The following ENTR1 variants were observed in gnomAD, a reference collection of about 807,000 sequenced individuals.
The protein encoded by ENTR1 is endosome-associated-trafficking regulator 1.
In ENTR1, 47 loss-of-function variants were observed where a neutral mutation model predicts 47.9. The observed-to-expected ratio is 0.98, with a 90% CI of 0.78 to 1.25. The LOEUF (loss-of-function observed/expected upper bound fraction) is 1.25, where lower values mean the gene tolerates loss of function less well. Among genes scored for constraint, ENTR1 ranks in the 50% most tolerant of loss-of-function variants. The pLI, the probability that ENTR1 is intolerant of heterozygous loss-of-function variation, is 0.00. For missense variants in ENTR1, 668 were observed against 570.5 expected (o/e 1.17, Z -1.74); for synonymous variants, 290 against 245.8 (o/e 1.18, Z -1.68).
Position 136,404,149 on chromosome 9 carries a change from C to T in ENTR1, c.1114G>A (p.Gly372Ser), listed in dbSNP as rs763645086. 3.7e-5 allele frequency: 59 copies of T among 1,612,888 alleles called. No homozygotes were observed. Among genetic ancestry groups the T allele is most frequent in the African/African-American group, 6.7e-5 (5 of 74,924 alleles). The change falls in exon 9 of 10, where the codon GGC becomes AGC. Residue 372 changes from glycine (G) to serine (S), a missense_variant. By Grantham distance (56) the Gly-to-Ser change is moderately conservative. Coordinates refer to ENST00000357365, the MANE Select transcript of ENTR1 (RefSeq NM_001039707.2). Reference sequence around the variant, plus strand: ...ACCACGGTCAGGCTGGCACCCTGGCCGCACCGCAGGGCTTCATTCTCTCGC... The same window carrying T: ...ACCACGGTCAGGCTGGCACCCTGGCTGCACCGCAGGGCTTCATTCTCTCGC... ...FQRENEALRC[G>S]QGASLTVVKQ...
intron 5 of ENTR1, among the ~76,000 whole-genome samples, chr9:136,406,489 T>C (rs1180891791): frequency 1.3e-5 from 2 of 151,932 alleles, no homozygotes; most frequent in East Asian, 3.9e-4. Flanking sequence ...TAATTTTTCT[T>C]TTTTTTGAAA....
chr9:136,408,323 T>TA (rs72549970), intron 3 of ENTR1, among the ~76,000 whole-genome samples: 5,194 of 121,646 alleles, frequency 0.043, 128 homozygotes, highest in East Asian at 0.12. Flanking sequence ...CTCACGCCTG[T>TA]ACCCCAGCAC....
At chr9:136,408,572 T>A (rs192238051) in intron 3 of ENTR1, among the ~76,000 whole-genome samples, 5 of 151,986 alleles carry the variant, frequency 3.3e-5, no homozygotes, top group African/African-American at 7.3e-5. Flanking sequence ...AGCGAGACTC[T>A]GTCTCAAAAA....
chr9:136,409,844 G>A (rs1158271163), intron 2 of ENTR1: 12 of 644,974 alleles, frequency 1.9e-5, no homozygotes, highest in Admixed American at 6.5e-5. Flanking sequence ...GAGGAAAGCG[G>A]GCGGGCTCCT....
intron 5 of ENTR1, among the ~76,000 whole-genome samples, chr9:136,406,308 A>G (rs1834761417): frequency 1.3e-5 from 2 of 151,864 alleles, no homozygotes; most frequent in South Asian, 4.2e-4. Context: ...GTCTCTACTA[A>G]AAATACAAAA....
intron 6 of ENTR1, 56 bp from the exon 7 acceptor site, chr9:136,405,258 C>T (rs759183515): frequency 5.2e-5 from 71 of 1,352,988 alleles, no homozygotes; most frequent in Non-Finnish European, 7.3e-5. Context: ...AAGAGGACTA[C>T]AAAAAGATAC....
chr9:136,410,157 G>A lies in ENTR1; in HGVS notation c.153C>T (p.Phe51=), dbSNP rs376067508. The change falls in exon 2 of 10, where the codon TTC becomes TTT. Residue 51 remains phenylalanine (F), a synonymous_variant. Coordinates refer to ENST00000357365, the MANE Select transcript of ENTR1 (RefSeq NM_001039707.2). The part of the protein sequence containing the change: ...RPHGRDLDSP[F]FGIRPAFMCY... ...ACATAAAGGCCGGCCGAATGCCGAA[G>A]AAGGGGGAGTCCAGGTCCCTGCCAT... 1.6e-5 allele frequency: 25 copies of A among 1,612,480 alleles called. No individual in the cohort carries two copies. Among genetic ancestry groups the A allele is most frequent in the Non-Finnish European group, 2.1e-5 (25 of 1,179,838 alleles).
At chr9:136,406,339 G>C (rs940965879) in intron 5 of ENTR1, among the ~76,000 whole-genome samples, 3 of 151,826 alleles carry the variant, frequency 2.0e-5, no homozygotes, top group Non-Finnish European at 4.4e-5. Context: ...AGTGGTGGCG[G>C]GCACCTGTAG....
chr9:136,407,374 T>C lies in ENTR1; in HGVS notation c.590A>G (p.His197Arg). The C allele has an allele frequency of 1.9e-6, 3 of 1,605,186 alleles. No individual in the cohort carries two copies. Among genetic ancestry groups the C allele is most frequent in the African/African-American group, 1.3e-5 (1 of 74,810 alleles). Residue 197 changes from histidine (H) to arginine (R), a missense_variant, in exon 5 of 10, where the codon CAC becomes CGC. By Grantham distance (29) the His-to-Arg change is conservative. Coordinates refer to ENST00000357365, the MANE Select transcript of ENTR1 (RefSeq NM_001039707.2). ...AYLPSAIEQT[H>R]PERVPAGTSP... ...CGTGCCGGCAGGGACCCTCTCGGGG[T>C]GAGTCTGCTCGATGGCGGACGGCAG...
At chr9:136,406,194 G>A (rs1024104520) in intron 5 of ENTR1, among the ~76,000 whole-genome samples, 4 of 152,164 alleles carry the variant, frequency 2.6e-5, no homozygotes, top group Admixed American at 2.6e-4. Context: ...CAGAGGCCGG[G>A]GGCAGTGGCT....
In ENTR1 at chr9:136,407,351, T is replaced by G. The variant is rs1472510517; in HGVS notation, c.613A>C (p.Thr205Pro). 1.9e-6 allele frequency: 3 copies of G among 1,607,482 alleles called. No individual in the cohort carries two copies. Among genetic ancestry groups the G allele is most frequent in the Non-Finnish European group, 2.5e-6 (3 of 1,178,010 alleles). ...GAAAGGTATGTGCTGCAGGGCGACG[T>G]GCCGGCAGGGACCCTCTCGGGGTGA... ...QTHPERVPAG[T>P]SPCSTYLSFF... The change falls in exon 5 of 10, where the codon ACG becomes CCG. Residue 205 changes from threonine to proline, a missense_variant. Thr to Pro is a conservative substitution (Grantham distance 38). Transcript: ENST00000357365.
chr9:136,403,996 G>A (rs1393574323), intron 9 of ENTR1, 59 bp downstream of exon 9: 32 of 1,512,152 alleles, frequency 2.1e-5, no homozygotes, highest in Middle Eastern at 2.4e-4. Context: ...GATCACTGAC[G>A]ACCACTCCAA....
rs1434263247 is a variant in ENTR1, at chr9:136,404,675, C to T, written c.1024G>A (p.Glu342Lys). The change falls in exon 8 of 10, where the codon GAA becomes AAA. Residue 342 changes from glutamate to lysine, a missense_variant. Coordinates refer to ENST00000357365, the MANE Select transcript of ENTR1 (RefSeq NM_001039707.2). ...TGTTTTAGTTTCACGACGTGGTTTTCTGCCTTTACAGCCCGTTTCTGTTAC... is the reference window on the plus strand; with the variant it reads ...TGTTTTAGTTTCACGACGTGGTTTTTTGCCTTTACAGCCCGTTTCTGTTAC... ...ELMTKRAVKAENHVVKLKQEI... is the reference protein window; with the variant it reads ...ELMTKRAVKAKNHVVKLKQEI... 6.2e-7 allele frequency: 1 copy of T among 1,614,158 alleles called. No individual in the cohort carries two copies. Among genetic ancestry groups the T allele is most frequent in the Non-Finnish European group, 8.5e-7 (1 of 1,180,038 alleles).
chr9:136,410,219 G>T lies in ENTR1; in HGVS notation c.91C>A (p.Arg31=). Reference sequence around the variant, plus strand: ...CAATTTAGCTGGGGGAGACAAGACCGGCGCTCATAGAACGCTGGAGCTGGA... The same window carrying T: ...CAATTTAGCTGGGGGAGACAAGACCTGCGCTCATAGAACGCTGGAGCTGGA... ...IPDAPAFYER[R]SCLPQLNCER... Residue 31 remains arginine, a synonymous_variant, in exon 2 of 10, where the codon CGG becomes AGG. Transcript: ENST00000357365. 2 of 1,587,842 alleles carry T rather than the reference G, an allele frequency of 1.3e-6. No homozygotes were observed. The highest frequency in any genetic ancestry group is 1.7e-6 in the Non-Finnish European group (2 of 1,168,352).
chr9:136,408,359 A>T (rs1049347965), intron 3 of ENTR1, among the ~76,000 whole-genome samples: 3 of 152,070 alleles, frequency 2.0e-5, no homozygotes, highest in East Asian at 3.9e-4. Context: ...CGGGCGGATC[A>T]CGAGGTCAGG....
At chr9:136,405,274 G>A (rs769551906) in intron 6 of ENTR1, 72 bp from the exon 7 acceptor site, 167 of 1,249,390 alleles carry the variant, frequency 1.3e-4, no homozygotes, top group Non-Finnish European at 1.7e-4. Flanking sequence ...GATACCTCAT[G>A]AGCCAGATAA....
At chr9:136,405,223 G>A (rs750154090) in intron 6 of ENTR1, 21 bp from the exon 7 acceptor site, 25 of 1,581,912 alleles carry the variant, frequency 1.6e-5, no homozygotes, top group Non-Finnish European at 2.0e-5. Context: ...AAAAACCCGA[G>A]TTGTTAATTT....
chr9:136,410,041 T>G (rs748352277), intron 2 of ENTR1, 49 bp downstream of exon 2: 1 of 1,608,268 alleles, frequency 6.2e-7, no homozygotes, highest in Admixed American at 1.7e-5. Context: ...GTGCCACACG[T>G]GGCGCGGGAA....
At chr9:136,405,266 T>C in intron 6 of ENTR1, 64 bp from the exon 7 acceptor site, 1 of 1,306,922 alleles carries the variant, frequency 7.7e-7, no homozygotes, top group Non-Finnish European at 1.1e-6. Context: ...TACAAAAAGA[T>C]ACCTCATGAG....
Sources: gnomAD v4.1 joint callset for allele counts (sites outside exome capture counted in the v4.1 genomes callset) on GRCh38, gnomAD v4.1.1 for gene constraint, MANE v1.5 for transcripts, NCBI Gene and HGNC (gene_info 2026-07-23, HGNC 2026-07-21) for gene names.